CACNA1C: variants seen among roughly 807,000 people sequenced by gnomAD.
CACNA1C encodes voltage-dependent L-type calcium channel subunit alpha-1C.
In CACNA1C, 30 loss-of-function variants were observed where a neutral mutation model predicts 229.0. That is an observed-to-expected ratio of 0.13 (90% CI 0.10 to 0.18). The LOEUF is 0.18. Ranked by LOEUF, CACNA1C falls within the 10% of genes least tolerant of loss-of-function variation. The probability of loss-of-function intolerance (pLI) is 1.00; values close to 1 mark genes in which losing one functional copy is unlikely to be tolerated. For synonymous variants in CACNA1C, 1,114 were observed against 1,132.5 expected (o/e 0.98, Z 0.33); for missense variants, 1,658 against 2,845.0 (o/e 0.58, Z 9.49).
At position 2,356,683 on chromosome 12, in the gene CACNA1C, G is replaced by A. The variant is rs556646352; in HGVS notation, c.478-92293G>A. Among the ~76,000 whole-genome samples the A allele has an allele frequency of 5.9e-5, 9 of 152,364 alleles. No homozygotes were observed. The South Asian group carries it at 1.7e-3, about 28-fold the overall frequency. Reference sequence around the variant, plus strand: ...GCCCCTTCACCAGCGCTAGCTGTCTGACCCTGACCTGTGGGCTTGCCCTCC... The same window carrying A: ...GCCCCTTCACCAGCGCTAGCTGTCTAACCCTGACCTGTGGGCTTGCCCTCC... On this transcript the variant is annotated intron_variant, in intron 3 of 46. Coordinates refer to ENST00000399655, the MANE Select transcript of CACNA1C (RefSeq NM_000719.7).
chr12:2,373,962 G>C (rs1232120722), intron 3 of CACNA1C, among the ~76,000 whole-genome samples: 1 of 152,170 alleles, frequency 6.6e-6, no homozygotes, highest in Non-Finnish European at 1.5e-5. Context: ...AGAGCCAGCG[G>C]GGGCCTTACA....
rs965432976 is a variant in CACNA1C, at chr12:2,482,126, C to T, written c.758-3978C>T. 1.4e-4 allele frequency among the ~76,000 whole-genome samples: 22 copies of T among 152,336 alleles called. 2 individuals carry two copies. The highest frequency in any genetic ancestry group is 2.1e-4 in the South Asian group (1 of 4,826). ...CAGGGTAGAGAGGAGGATGTCTGGCCGCACGCCTTCACAAGCCAGCCTGGC... is the reference window on the plus strand; with the variant it reads ...CAGGGTAGAGAGGAGGATGTCTGGCTGCACGCCTTCACAAGCCAGCCTGGC... On this transcript the variant is annotated intron_variant, in intron 5 of 46. Transcript: ENST00000399655.
At position 2,319,957 on chromosome 12, in the gene CACNA1C, C is replaced by T. The variant is rs897369674; in HGVS notation, c.478-129019C>T. Among the ~76,000 whole-genome samples the T allele has an allele frequency of 3.3e-5, 5 of 152,286 alleles. No individual in the cohort carries two copies. Among genetic ancestry groups the T allele is most frequent in the East Asian group, 1.9e-4 (1 of 5,178 alleles). ...CCATGAGCTATTCTGGTCCTGACAC[C>T]GGCTCCCACCCTTTAAAGCTCCTGT... is the stretch of plus-strand genomic sequence containing the variant. On this transcript the variant is annotated intron_variant, in intron 3 of 46. Coordinates refer to ENST00000399655, the MANE Select transcript of CACNA1C (RefSeq NM_000719.7). This position sits in a 1 kb window ranked among gnomAD's most constrained non-coding sequence, Gnocchi z 4.0.
chr12:2,049,829 A>C (rs1353441953), upstream of CACNA1C, among the ~76,000 whole-genome samples: 1 of 152,176 alleles, frequency 6.6e-6, no homozygotes, highest in Non-Finnish European at 1.5e-5. Context: ...TCCTTTTGTC[A>C]TGTTGAGAAT....
intron 3 of CACNA1C, among the ~76,000 whole-genome samples, chr12:2,392,449 A>G (rs973294699): frequency 6.6e-6 from 1 of 152,192 alleles, no homozygotes; most frequent in Non-Finnish European, 1.5e-5. Context: ...GCACCTAAGC[A>G]GACCTTGTCA....
chr12:2,196,570 A>T (rs1384700299), intron 3 of CACNA1C, among the ~76,000 whole-genome samples: 1 of 152,256 alleles, frequency 6.6e-6, no homozygotes, highest in Non-Finnish European at 1.5e-5. Flanking sequence ...CACAGCTGAC[A>T]CACTATATGG....
intron 10 of CACNA1C, among the ~76,000 whole-genome samples, chr12:2,550,352 C>T (rs894656707): frequency 1.3e-5 from 2 of 152,134 alleles, no homozygotes; most frequent in African/African-American, 2.4e-5. Flanking sequence ...GGGGCGGCCC[C>T]AAAGTCTGTT....
In CACNA1C at chr12:2,665,412, G is replaced by C. The variant is rs113695484; in HGVS notation, c.4399-169G>C. ...ATCACACACAACTCTCAGGGAAACT[G>C]TGTCAAGTTTATGTCCAAGAGACCC... On this transcript the variant is annotated intron_variant, in intron 35 of 46. Coordinates refer to ENST00000399655, the MANE Select transcript of CACNA1C (RefSeq NM_000719.7). The surrounding 1 kb of genome is among the most constrained non-coding windows in gnomAD (Gnocchi z 5.9). Among the ~76,000 whole-genome samples the C allele has an allele frequency of 1.4e-3, 211 of 152,230 alleles. 1 individual carries two copies. The highest frequency in any genetic ancestry group is 0.01 in the South Asian group (50 of 4,830).
intron 3 of CACNA1C, among the ~76,000 whole-genome samples, chr12:2,218,253 C>T (rs555944526): frequency 1.1e-4 from 17 of 152,292 alleles, no homozygotes; most frequent in African/African-American, 3.4e-4. Context: ...TTATTGACAA[C>T]GCGTCTCCTG....
At chr12:2,572,242 G>A (rs1253189577) in intron 13 of CACNA1C, among the ~76,000 whole-genome samples, 1 of 151,256 alleles carries the variant, frequency 6.6e-6, no homozygotes, top group Non-Finnish European at 1.5e-5. Context: ...CTCTTGGTCT[G>A]CTTTCTTCTC....
rs193283767 is a variant in CACNA1C at position 2,415,006 on chromosome 12, C to T, written c.478-33970C>T. 1.0e-3 allele frequency among the ~76,000 whole-genome samples: 155 copies of T among 152,250 alleles called. 1 individual carries two copies. Among genetic ancestry groups the T allele is most frequent in the African/African-American group, 3.6e-3 (151 of 41,544 alleles). ...ACCGGGCTCTCTTCCCCAAGGCACC[C>T]GACACGGTCTGTGTGTGCCATGGGC... On this transcript the variant is annotated intron_variant, in intron 3 of 46. Coordinates refer to ENST00000399655, the MANE Select transcript of CACNA1C (RefSeq NM_000719.7).
chr12:2,062,797 T>C (rs1465328387), intron 1 of CACNA1C, among the ~76,000 whole-genome samples: 1 of 152,182 alleles, frequency 6.6e-6, no homozygotes, highest in Non-Finnish European at 1.5e-5. Flanking sequence ...ATTCTTGGAA[T>C]ATTTCCTCAG....
chr12:2,053,331 A>G lies in CACNA1C; in HGVS notation c.-232A>G. ...CCCGGATGTACTGAGGATGCGTTACAGTTTCACTCGAGGAGGCAGTAGTGG... is the reference window on the plus strand; with the variant it reads ...CCCGGATGTACTGAGGATGCGTTACGGTTTCACTCGAGGAGGCAGTAGTGG... On this transcript the variant is annotated 5_prime_UTR_variant, in exon 1 of 47. Coordinates refer to ENST00000399655, the MANE Select transcript of CACNA1C (RefSeq NM_000719.7). This position sits in a 1 kb window ranked among gnomAD's most constrained non-coding sequence, Gnocchi z 5.8. 7.8e-7 allele frequency: 1 copy of G among 1,287,704 alleles called. No individual in the cohort carries two copies. Among genetic ancestry groups the G allele is most frequent in the South Asian group, 2.3e-5 (1 of 43,714 alleles). The allele number at this position is 1,287,704 out of a possible 1,614,324, so 79.8% of individuals were successfully genotyped here. A position where few individuals can be genotyped will look rare whatever the true frequency, so the allele number is the denominator to read the frequency against.
At chr12:2,617,769 G>A (rs1444988905) in intron 29 of CACNA1C, among the ~76,000 whole-genome samples, 1 of 152,246 alleles carries the variant, frequency 6.6e-6, no homozygotes, top group Non-Finnish European at 1.5e-5. Context: ...GAAAGGCACA[G>A]ATGAGGGCTG....
At chr12:2,583,951 A>G (rs1268159684) in intron 15 of CACNA1C, among the ~76,000 whole-genome samples, 1 of 152,168 alleles carries the variant, frequency 6.6e-6, no homozygotes, top group Non-Finnish European at 1.5e-5. Context: ...TCTGACCCAC[A>G]GTGTTTCTGT....
chr12:2,146,237 G>A lies in CACNA1C; in HGVS notation c.477+25807G>A, dbSNP rs777645617. On this transcript the variant is annotated intron_variant, in intron 3 of 46. Coordinates refer to ENST00000399655, the MANE Select transcript of CACNA1C (RefSeq NM_000719.7). ...AGACAAGAACCAGTTTGAGAAGCAGGTAATGGTAGTTGAGAGAAGGGATAG... is the reference window on the plus strand; with the variant it reads ...AGACAAGAACCAGTTTGAGAAGCAGATAATGGTAGTTGAGAGAAGGGATAG... Among the ~76,000 whole-genome samples, 5 of 151,004 alleles carry A rather than the reference G, an allele frequency of 3.3e-5. 1 individual carries two copies. The highest frequency in any genetic ancestry group is 6.7e-5 in the Admixed American group (1 of 14,980).
intron 3 of CACNA1C, among the ~76,000 whole-genome samples, chr12:2,136,219 C>T (rs1049235875): frequency 1.3e-5 from 2 of 151,394 alleles, no homozygotes; most frequent in Non-Finnish European, 3.0e-5. Flanking sequence ...GAGATGAACC[C>T]GGTACCTCAG....
At chr12:2,349,154 C>G (rs888488226) in intron 3 of CACNA1C, among the ~76,000 whole-genome samples, 1 of 152,176 alleles carries the variant, frequency 6.6e-6, no homozygotes, top group Non-Finnish European at 1.5e-5. Flanking sequence ...ACACCAAGGT[C>G]ACGGGAGGGG....
At chr12:2,582,623 C>T (rs868228479) in intron 14 of CACNA1C, among the ~76,000 whole-genome samples, 199 bp from the exon 15 acceptor site, 1 of 152,148 alleles carries the variant, frequency 6.6e-6, no homozygotes, top group African/African-American at 2.4e-5. Flanking sequence ...TAATATTATG[C>T]CAATAGCCAG....
Sources: gnomAD v4.1 joint callset for allele counts (sites outside exome capture counted in the v4.1 genomes callset) on GRCh38, gnomAD v4.1.1 for gene constraint, Gnocchi (gnomAD v3.1) non-coding constraint, MANE v1.5 for transcripts, NCBI Gene and HGNC (gene_info 2026-07-23, HGNC 2026-07-21) for gene names.